FBL: variants seen among roughly 807,000 people sequenced by gnomAD.
The protein encoded by FBL is rRNA 2'-O-methyltransferase fibrillarin.
FBL carries 10 observed loss-of-function variants against 42.2 expected under a neutral mutation model. The observed-to-expected ratio is 0.24, with a 90% CI of 0.15 to 0.40. The LOEUF is 0.40. Among genes scored for constraint, FBL ranks in the 10% least tolerant of loss-of-function variants. The pLI is 1.00. For synonymous variants in FBL, 165 were observed against 165.4 expected, an observed-to-expected ratio of 1.00 and a Z score of 0.02; for missense variants, 351 against 439.2, an observed-to-expected ratio of 0.80 and a Z score of 1.79.
Position 39,839,145 on chromosome 19 carries a change from C to T in FBL, c.439G>A (p.Ala147Thr), listed in dbSNP as rs1423107252. The change falls in exon 5 of 9, where the codon GCA becomes ACA. Residue 147 changes from alanine to threonine, a missense_variant. By Grantham distance (58) the Ala-to-Thr change is moderately conservative. Transcript: ENST00000221801. ...ATCTGGTCCACACCACCCAGGATTG[C>T]TGCTGCTAGCTTGGAGCGGAAGGGG... Reference protein sequence around the residue: ...WNPFRSKLAAAILGGVDQIHI... With the variant: ...WNPFRSKLAATILGGVDQIHI... 6.2e-7 allele frequency: 1 copy of T among 1,614,006 alleles called. No individual in the cohort carries two copies. Among genetic ancestry groups the T allele is most frequent in the Non-Finnish European group, 8.5e-7 (1 of 1,179,958 alleles).
chr19:39,835,000 C>T (rs11880094), intron 7 of FBL, among the ~76,000 whole-genome samples, 187 bp from the exon 8 acceptor site: 85,966 of 152,048 alleles, frequency 0.57, 25,272 homozygotes, highest in African/African-American at 0.7. Flanking sequence ...GTGGGACCTT[C>T]GAGAGATGAT....
Position 39,839,119 on chromosome 19 carries a change from G to T in FBL, c.465C>A (p.Ile155=). 3 of 1,614,156 alleles carry T rather than the reference G, an allele frequency of 1.9e-6. No individual in the cohort carries two copies. The highest frequency in any genetic ancestry group is 2.2e-5 in the East Asian group (1 of 44,884). ...AAAILGGVDQ[I]HIKPGAKVLY... The stretch of plus-strand genomic sequence containing the variant: ...GAACCTTAGCCCCCGGTTTGATGTG[G>T]ATCTGGTCCACACCACCCAGGATTG... The change falls in exon 5 of 9, where the codon ATC becomes ATA. Residue 155 remains isoleucine, a synonymous_variant. Transcript: ENST00000221801.
At chr19:39,841,215 T>C (rs1969158678) in intron 1 of FBL, among the ~76,000 whole-genome samples, 1 of 151,984 alleles carries the variant, frequency 6.6e-6, no homozygotes, top group South Asian at 2.1e-4. Context: ...AGATTACAGG[T>C]GTGTGCCACT....
Position 39,836,616 on chromosome 19 carries a change from A to G in FBL, c.735T>C (p.Ile245=). ...ADVAQPDQTR[I]VALNAHTFLR... The stretch of plus-strand genomic sequence containing the variant: ...GGAAGGTGTGGGCATTCAGGGCCAC[A>G]ATCCGGGTCTGGTCTGGCTGGGCCA... The change falls in exon 7 of 9, where the codon ATT becomes ATC. Residue 245 remains isoleucine, a synonymous_variant. Transcript: ENST00000221801. 5.0e-6 allele frequency: 8 copies of G among 1,614,214 alleles called. No individual in the cohort carries two copies. Among genetic ancestry groups the G allele is most frequent in the Non-Finnish European group, 5.9e-6 (7 of 1,180,024 alleles).
chr19:39,838,783 C>T (rs1252612385), intron 5 of FBL: 2 of 405,030 alleles, frequency 4.9e-6, no homozygotes, highest in Admixed American at 4.1e-5. Flanking sequence ...AGTCTGGTAT[C>T]TATACTCCCC....
intron 6 of FBL, among the ~76,000 whole-genome samples, chr19:39,837,389 C>T (rs1969070469): frequency 6.6e-6 from 1 of 152,062 alleles, no homozygotes; most frequent in Admixed American, 6.6e-5. Context: ...TCTCACCAGA[C>T]AATGATTAGG....
intron 6 of FBL, among the ~76,000 whole-genome samples, chr19:39,836,945 C>T (rs190886093): frequency 2.9e-4 from 44 of 152,312 alleles, no homozygotes; most frequent in East Asian, 2.5e-3. Context: ...GAGTCAGACC[C>T]GGACCCTGCC....
chr19:39,842,377 C>T (rs1157884223), intron 1 of FBL, among the ~76,000 whole-genome samples: 2 of 152,226 alleles, frequency 1.3e-5, no homozygotes, highest in Non-Finnish European at 2.9e-5. Context: ...TGAGCCAGCG[C>T]GCCCAGCCTT....
Position 39,845,824 on chromosome 19 carries a change from G to A in FBL, c.10+467C>T, listed in dbSNP as rs1413387257. The stretch of plus-strand genomic sequence containing the variant: ...GGAAAAGCTGGGATGCGGGATAAGG[G>A]GATGGTGGTGGTGGCAGCGACAGGG... On this transcript the variant is annotated intron_variant, in intron 1 of 8. Coordinates refer to ENST00000221801, the MANE Select transcript of FBL (RefSeq NM_001436.4). Among the ~76,000 whole-genome samples the A allele has an allele frequency of 2.0e-5, 3 of 152,206 alleles. No homozygotes were observed. In the East Asian group the frequency reaches 5.8e-4, roughly 29 times the overall value.
chr19:39,843,184 G>T (rs1424033931), intron 1 of FBL, among the ~76,000 whole-genome samples: 1 of 151,990 alleles, frequency 6.6e-6, no homozygotes, highest in Non-Finnish European at 1.5e-5. Context: ...TAACTGTTTT[G>T]GTCACCACCG....
chr19:39,843,496 G>A (rs572677725), intron 1 of FBL, among the ~76,000 whole-genome samples: 6 of 152,348 alleles, frequency 3.9e-5, no homozygotes, highest in East Asian at 3.9e-4. Context: ...CAGGCCACGC[G>A]CCATAGCTCA....
chr19:39,846,351 C>A lies in FBL; in HGVS notation c.-51G>T, dbSNP rs760180832. On this transcript the variant is annotated 5_prime_UTR_variant, in exon 1 of 9. Transcript: ENST00000221801. ...GGAGTCCGCGGCGTTCACAACTCCA[C>A]GAGTCCGGGGCTTTCGCACGTGGAA... 2.3e-5 allele frequency: 37 copies of A among 1,609,322 alleles called. No individual in the cohort carries two copies. The South Asian group carries it at 3.9e-4, about 17-fold the overall frequency.
intron 5 of FBL, chr19:39,838,570 G>A (rs1055462473): frequency 5.2e-5 from 8 of 154,270 alleles, no homozygotes; most frequent in African/African-American, 1.9e-4. Context: ...CAAAGCCTGA[G>A]GTTTTAAGGC....
chr19:39,838,735 A>T (rs774993899), intron 5 of FBL: 4 of 263,260 alleles, frequency 1.5e-5, no homozygotes, highest in Non-Finnish European at 2.9e-5. Context: ...AGCAGGTTTT[A>T]GCAGCATAAA....
At chr19:39,842,993 T>C (rs2145065961) in intron 1 of FBL, among the ~76,000 whole-genome samples, 1 of 152,314 alleles carries the variant, frequency 6.6e-6, no homozygotes, top group South Asian at 2.1e-4. Flanking sequence ...CATGGCTCAC[T>C]CGCTCCTTCA....
chr19:39,840,623 TTCC>T lies in FBL; in HGVS notation c.172_174del (p.Gly58del). 1.2e-6 allele frequency: 2 copies of T among 1,613,412 alleles called. No homozygotes were observed. Among genetic ancestry groups the T allele is most frequent in the Non-Finnish European group, 1.7e-6 (2 of 1,179,764 alleles). Reference sequence around the variant, plus strand: ...AACCCCTAGCCAATCTTACCACCTCTTCCTCCTCCTCCACCGCCGCCGCCGCCT... The same window carrying T: ...AACCCCTAGCCAATCTTACCACCTCTTCCTCCTCCACCGCCGCCGCCGCCT... On this transcript the variant is annotated inframe_deletion, in exon 2 of 9. Coordinates refer to ENST00000221801, the MANE Select transcript of FBL (RefSeq NM_001436.4). This position sits in a 1 kb window ranked among gnomAD's most constrained non-coding sequence, Gnocchi z 4.5.
intron 1 of FBL, 45 bp downstream of exon 1, chr19:39,846,246 C>A: frequency 6.2e-7 from 1 of 1,612,482 alleles, no homozygotes; most frequent in Non-Finnish European, 8.5e-7. Flanking sequence ...CCCGGATTCC[C>A]GCCCGGCCTC....
intron 5 of FBL, chr19:39,838,300 G>A (rs921745641): frequency 8.2e-6 from 1 of 121,654 alleles, no homozygotes; most frequent in Non-Finnish European, 1.6e-5. Context: ...TCACTCTGTT[G>A]CCCAGGATGG....
At chr19:39,842,910 C>A (rs989628500) in intron 1 of FBL, among the ~76,000 whole-genome samples, 9 of 152,154 alleles carry the variant, frequency 5.9e-5, no homozygotes, top group Non-Finnish European at 1.0e-4. Context: ...CTCTTCCCCA[C>A]CAAGCATACA....
Sources: allele counts gnomAD v4.1 joint callset (sites outside exome capture counted in the v4.1 genomes callset), GRCh38; gene constraint gnomAD v4.1.1; non-coding constraint Gnocchi (gnomAD v3.1); transcripts MANE v1.5; gene names NCBI Gene and HGNC (gene_info 2026-07-23, HGNC 2026-07-21).